The following GLB1L2 variants were observed in gnomAD, a reference collection of about 807,000 sequenced individuals.
GLB1L2 encodes the protein galactosidase beta 1 like 2.
A neutral mutation model predicts 84.1 loss-of-function variants in GLB1L2; 68 were observed. That is an observed-to-expected ratio of 0.81 (90% CI 0.67 to 0.99). GLB1L2 has a LOEUF of 0.99. Ranked by LOEUF, GLB1L2 falls within the 50% of genes least tolerant of loss-of-function variation. The pLI, the probability that GLB1L2 is intolerant of heterozygous loss-of-function variation, is 0.00. For missense variants in GLB1L2, 762 were observed against 805.6 expected, an observed-to-expected ratio of 0.95 and a Z score of 0.66; for synonymous variants, 290 against 318.0, an observed-to-expected ratio of 0.91 and a Z score of 0.94.
intron 7 of GLB1L2, among the ~76,000 whole-genome samples, chr11:134,362,489 A>G (rs1285508162): frequency 2.0e-5 from 3 of 152,144 alleles, no homozygotes; most frequent in African/African-American, 7.2e-5. Context: ...GAGGCTGTTG[A>G]CAGGAGTTCT....
intron 1 of GLB1L2, 104 bp downstream of exon 1, chr11:134,332,251 G>T: frequency 2.6e-6 from 2 of 769,146 alleles, no homozygotes; most frequent in Non-Finnish European, 4.1e-6. Context: ...GTTCCCGGGG[G>T]GAGCAGCCCC....
At chr11:134,355,005 C>T (rs6590738) in intron 5 of GLB1L2, among the ~76,000 whole-genome samples, 95,889 of 151,846 alleles carry the variant, frequency 0.63, 30,631 homozygotes, top group East Asian at 0.92. Context: ...GTTGTGTAAG[C>T]CCCTTAGGCT....
chr11:134,348,940 C>T (rs1943588274), intron 5 of GLB1L2, among the ~76,000 whole-genome samples: 1 of 152,206 alleles, frequency 6.6e-6, no homozygotes, highest in South Asian at 2.1e-4. Flanking sequence ...GGCAAGGACT[C>T]TATGCTCATA....
At chr11:134,369,977 G>T in intron 11 of GLB1L2, 92 bp downstream of exon 11, 2 of 1,035,100 alleles carry the variant, frequency 1.9e-6, no homozygotes, top group African/African-American at 1.6e-5. Flanking sequence ...GTCCCACCTC[G>T]ACCCCAGTTG....
At chr11:134,362,928 C>G (rs1264454348) in intron 7 of GLB1L2, among the ~76,000 whole-genome samples, 1 of 152,226 alleles carries the variant, frequency 6.6e-6, no homozygotes, top group Non-Finnish European at 1.5e-5. Context: ...GTCCCTGTGT[C>G]CTTCTCAGTG....
chr11:134,365,046 A>G (rs1413521200), intron 8 of GLB1L2: 1 of 152,634 alleles, frequency 6.6e-6, no homozygotes, highest in Admixed American at 6.5e-5. Flanking sequence ...GACTGCCCCC[A>G]CGCTGCATCG....
chr11:134,372,137 G>A (rs1481249309), intron 15 of GLB1L2, among the ~76,000 whole-genome samples: 3 of 152,184 alleles, frequency 2.0e-5, no homozygotes, highest in South Asian at 2.1e-4. Context: ...TTGGGGGGGC[G>A]GCAGTGAGGA....
At chr11:134,356,200 C>T (rs1943698907) in intron 5 of GLB1L2, 101 bp from the exon 6 acceptor site, 1 of 883,168 alleles carries the variant, frequency 1.1e-6, no homozygotes. Context: ...TTTTAGTTTT[C>T]AATGGGATCT....
At chr11:134,365,963 A>T (rs967375273) in intron 8 of GLB1L2, among the ~76,000 whole-genome samples, 7 of 152,076 alleles carry the variant, frequency 4.6e-5, no homozygotes, top group African/African-American at 1.7e-4. Context: ...TGTTATGTGC[A>T]CTCTCCCGTT....
At position 134,356,350 on chromosome 11, in the gene GLB1L2, G is replaced by A. The variant is rs61740182; in HGVS notation, c.608G>A (p.Gly203Asp). 43,626 of 1,613,670 alleles carry A rather than the reference G, an allele frequency of 0.027. 705 individuals are homozygous for A. Among genetic ancestry groups the A allele is most frequent in the Non-Finnish European group, 0.033 (39,198 of 1,179,620 alleles). The change falls in exon 6 of 19, where the codon GGT (glycine) becomes GAT (aspartate). Residue 203 changes from glycine to aspartate, a missense_variant. Physicochemically the swap from Gly to Asp is moderately conservative, Grantham distance 94. Transcript: ENST00000535456. ...IIAVQVENEYGSYNKDPAYMP... is the reference protein window; with the variant it reads ...IIAVQVENEYDSYNKDPAYMP... ...GCCGTGCAGGTGGAGAATGAATATG[G>A]TTCCTATAATAAAGACCCCGCATAC...
intron 1 of GLB1L2, among the ~76,000 whole-genome samples, chr11:134,333,015 G>A (rs963702528): frequency 3.3e-5 from 5 of 152,152 alleles, no homozygotes; most frequent in African/African-American, 1.2e-4. Flanking sequence ...TACGCCGCTC[G>A]GCTTTGTCAT....
intron 1 of GLB1L2, among the ~76,000 whole-genome samples, chr11:134,336,332 G>C (rs554764192): frequency 6.6e-6 from 1 of 152,292 alleles, no homozygotes; most frequent in African/African-American, 2.4e-5. Context: ...TGGCCCCTAG[G>C]CTAGGCACCC....
In GLB1L2 at chr11:134,375,440, TG is replaced by T. The variant is rs1944013955; in HGVS notation, c.*384del. On this transcript the variant is annotated 3_prime_UTR_variant, in exon 19 of 19. Transcript: ENST00000535456. ...TGCTGGACTCAGGCGTGCTCTTTGC[TG>T]GTTCCTGGGAGGCTTGGCCACATCC... The T allele has an allele frequency of 5.3e-6, 1 of 190,424 alleles. No homozygotes were observed. The highest frequency in any genetic ancestry group is 1.3e-4 in the South Asian group (1 of 7,640). The allele number at this position is 190,424 out of a possible 1,614,324, so 11.8% of individuals were successfully genotyped here. A position where few individuals can be genotyped will look rare whatever the true frequency, so the allele number is the denominator to read the frequency against.
In GLB1L2 at chr11:134,339,562, G is replaced by T. The variant is rs146537348; in HGVS notation, c.87-3192G>T. ...AGAATTTGGAATTGGATAACAGCTA[G>T]ATTGTTTTTTATTCTTGTTGTTTAT... is the stretch of plus-strand genomic sequence containing the variant. On this transcript the variant is annotated intron_variant, in intron 1 of 18. Coordinates refer to ENST00000535456, the MANE Select transcript of GLB1L2 (RefSeq NM_001370461.1). This position sits in a 1 kb window ranked among gnomAD's most constrained non-coding sequence, Gnocchi z 5.7. Among the ~76,000 whole-genome samples, 1 of 152,182 alleles carries T rather than the reference G, an allele frequency of 6.6e-6. No homozygotes were observed. The highest frequency in any genetic ancestry group is 1.9e-4 in the East Asian group (1 of 5,176).
rs773495356 is a variant in GLB1L2, at chr11:134,334,104, C to G, written c.86+1957C>G. Among the ~76,000 whole-genome samples, 2 of 152,158 alleles carry G rather than the reference C, an allele frequency of 1.3e-5. No individual in the cohort carries two copies. Among genetic ancestry groups the G allele is most frequent in the African/African-American group, 4.8e-5 (2 of 41,424 alleles). ...AACATCCTCTTTGTCTTTCCCTCTT[C>G]CTGTCTTGCCCCAGCTCTGACTGGG... On this transcript the variant is annotated intron_variant, in intron 1 of 18. Transcript: ENST00000535456. The surrounding 1 kb of genome is among the most constrained non-coding windows in gnomAD (Gnocchi z 4.1).
chr11:134,366,817 C>T lies in GLB1L2; in HGVS notation c.805-440C>T, dbSNP rs554737178. 2.9e-3 allele frequency among the ~76,000 whole-genome samples: 393 copies of T among 137,588 alleles called. 1 individual carries two copies. The highest frequency in any genetic ancestry group is 0.011 in the Middle Eastern group (3 of 272). 90.3% of individuals were successfully genotyped at this position (137,588 alleles called of 152,430 possible). On this transcript the variant is annotated intron_variant, in intron 8 of 18. Coordinates refer to ENST00000535456, the MANE Select transcript of GLB1L2 (RefSeq NM_001370461.1). ...ACCTTGAAGAGGGCCCACTCTGCAGCGTCTGATTTTTCTGCTAATGGAGCC... is the reference window on the plus strand; with the variant it reads ...ACCTTGAAGAGGGCCCACTCTGCAGTGTCTGATTTTTCTGCTAATGGAGCC...
chr11:134,363,158 G>A (rs1943820425), intron 7 of GLB1L2, among the ~76,000 whole-genome samples: 1 of 152,182 alleles, frequency 6.6e-6, no homozygotes, highest in Non-Finnish European at 1.5e-5. Flanking sequence ...GGGTCTGGGT[G>A]GAGGGTCCCA....
chr11:134,362,064 G>A (rs920110494), intron 7 of GLB1L2, among the ~76,000 whole-genome samples: 1 of 152,132 alleles, frequency 6.6e-6, no homozygotes, highest in East Asian at 1.9e-4. Context: ...CGGGTCTTTC[G>A]GTCATCCTTG....
rs1943301496 is a variant in GLB1L2 at position 134,332,042 on chromosome 11, C to T, written c.-20C>T. Reference sequence around the variant, plus strand: ...CGGACTGGAGTGGGAACCCGGGTCCCCGCGCTTAGAGAACACGCGATGACC... The same window carrying T: ...CGGACTGGAGTGGGAACCCGGGTCCTCGCGCTTAGAGAACACGCGATGACC... On this transcript the variant is annotated 5_prime_UTR_variant, in exon 1 of 19. Transcript: ENST00000535456. The T allele has an allele frequency of 1.3e-6, 2 of 1,529,926 alleles. No individual in the cohort carries two copies. The highest frequency in any genetic ancestry group is 4.0e-5 in the Admixed American group (2 of 50,508). The allele number at this position is 1,529,926 out of a possible 1,614,324, so 94.8% of individuals were successfully genotyped here.
Sources: allele counts gnomAD v4.1 joint callset (sites outside exome capture counted in the v4.1 genomes callset), GRCh38; gene constraint gnomAD v4.1.1; non-coding constraint Gnocchi (gnomAD v3.1); transcripts MANE v1.5; gene names NCBI Gene and HGNC (gene_info 2026-07-23, HGNC 2026-07-21).